The following CNBD1 variants were observed in gnomAD, a reference collection of about 807,000 sequenced individuals.
CNBD1 encodes cyclic nucleotide binding domain containing 1.
In CNBD1, 71 loss-of-function variants were observed where a neutral mutation model predicts 54.4. That is an observed-to-expected ratio of 1.30 (90% CI 1.08 to 1.59). The LOEUF (loss-of-function observed/expected upper bound fraction) is 1.59. Ranked by LOEUF, CNBD1 falls within the 40% of genes most tolerant of loss-of-function variation. CNBD1 has a pLI of 0.00. For missense variants in CNBD1, 659 were observed against 518.0 expected (o/e 1.27, Z -2.64); for synonymous variants, 182 against 170.7 (o/e 1.07, Z -0.51).
intron 4 of CNBD1, among the ~76,000 whole-genome samples, chr8:87,126,476 T>A (rs1178265696): frequency 6.6e-6 from 1 of 152,054 alleles, no homozygotes; most frequent in East Asian, 1.9e-4. Context: ...TCAAATCTTA[T>A]GTCCATTTGT....
chr8:87,211,766 A>G (rs1034592519), intron 5 of CNBD1, among the ~76,000 whole-genome samples: 2 of 152,186 alleles, frequency 1.3e-5, no homozygotes, highest in East Asian at 1.9e-4. Flanking sequence ...CCATGAGCCA[A>G]TTAAACCTCT....
At chr8:86,958,241 A>T (rs4961001) in intron 4 of CNBD1, among the ~76,000 whole-genome samples, 111,701 of 152,030 alleles carry the variant, frequency 0.73, 42,342 homozygotes, top group East Asian at 0.96. Flanking sequence ...GGAGTGCTTT[A>T]CTTCCTACTA....
intron 6 of CNBD1, among the ~76,000 whole-genome samples, chr8:87,251,876 G>A (rs13259732): frequency 0.68 from 103,626 of 151,890 alleles, 35,790 homozygotes; most frequent in Middle Eastern, 0.72. Context: ...AAAAATACAT[G>A]TATACTTCTA....
chr8:86,953,412 G>A (rs894846966), intron 4 of CNBD1, among the ~76,000 whole-genome samples: 1 of 152,086 alleles, frequency 6.6e-6, no homozygotes, highest in African/African-American at 2.4e-5. Flanking sequence ...AAGAAATTTG[G>A]TCACCTCTGT....
At chr8:87,283,858 T>C (rs1357849742) in intron 6 of CNBD1, among the ~76,000 whole-genome samples, 1 of 152,126 alleles carries the variant, frequency 6.6e-6, no homozygotes, top group Non-Finnish European at 1.5e-5. Context: ...TTGGGTTTGA[T>C]AGGACTGTGG....
chr8:87,100,772 G>T (rs757089904), intron 4 of CNBD1, among the ~76,000 whole-genome samples: 3 of 152,086 alleles, frequency 2.0e-5, no homozygotes, highest in Non-Finnish European at 2.9e-5. Flanking sequence ...ACCATGCCTG[G>T]CCAGAAAGCC....
intron 2 of CNBD1, among the ~76,000 whole-genome samples, chr8:87,403,365 A>AGACCGAAAATGGAATAT (rs1478081742): frequency 6.6e-6 from 1 of 152,084 alleles, no homozygotes; most frequent in Non-Finnish European, 1.5e-5. Flanking sequence ...TGTCGTAGAT[A>AGACCGAAAATGGAATAT]GACCGAAAAT....
chr8:86,897,113 T>C (rs1236701893), intron 2 of CNBD1, among the ~76,000 whole-genome samples: 3 of 152,208 alleles, frequency 2.0e-5, no homozygotes, highest in Admixed American at 2.0e-4. Context: ...CGTGGGCATG[T>C]GACTTATGCT....
chr8:87,257,457 G>C (rs966716725), intron 6 of CNBD1, among the ~76,000 whole-genome samples: 7 of 150,508 alleles, frequency 4.7e-5, no homozygotes, highest in Admixed American at 2.7e-4. Context: ...TGTACCTGAA[G>C]CTTTGATTGT....
At chr8:87,190,353 T>C (rs1270079377) in intron 4 of CNBD1, among the ~76,000 whole-genome samples, 2 of 152,214 alleles carry the variant, frequency 1.3e-5, no homozygotes, top group Middle Eastern at 3.2e-3. Context: ...CCAGTTGTTC[T>C]GTTCCCAGCT....
At chr8:86,914,587 A>G (rs1266030783) in intron 3 of CNBD1, among the ~76,000 whole-genome samples, 3 of 152,220 alleles carry the variant, frequency 2.0e-5, no homozygotes, top group African/African-American at 7.2e-5. Context: ...AGATTACTCA[A>G]TTAATCAAAA....
At chr8:86,914,106 G>C (rs1009033390) in intron 3 of CNBD1, among the ~76,000 whole-genome samples, 1 of 152,082 alleles carries the variant, frequency 6.6e-6, no homozygotes, top group African/African-American at 2.4e-5. Context: ...GCCCAGATTT[G>C]TTATTGTTCA....
intron 8 of CNBD1, among the ~76,000 whole-genome samples, chr8:87,328,967 A>T (rs1053493875): frequency 6.6e-6 from 1 of 152,100 alleles, no homozygotes. Context: ...GTCATTACCA[A>T]ACCCAAGGCC....
intron 4 of CNBD1, among the ~76,000 whole-genome samples, chr8:87,073,357 G>A (rs1388721241): frequency 1.3e-5 from 2 of 152,024 alleles, no homozygotes; most frequent in South Asian, 2.1e-4. Flanking sequence ...GAGAGGTATT[G>A]TAGTCATCTG....
chr8:87,283,282 T>G (rs1197687319), intron 6 of CNBD1, among the ~76,000 whole-genome samples: 1 of 152,114 alleles, frequency 6.6e-6, no homozygotes, highest in African/African-American at 2.4e-5. Context: ...GTTCTGATTT[T>G]TATAGTCTAC....
At chr8:87,239,954 A>G (rs1378469954) in intron 6 of CNBD1, among the ~76,000 whole-genome samples, 1 of 152,018 alleles carries the variant, frequency 6.6e-6, no homozygotes, top group African/African-American at 2.4e-5. Context: ...TAGCTTTAAA[A>G]TCTTTCATTA....
intron 4 of CNBD1, among the ~76,000 whole-genome samples, chr8:87,087,507 A>G (rs1586247220): frequency 7.5e-6 from 1 of 132,932 alleles, no homozygotes; most frequent in South Asian, 2.3e-4. Flanking sequence ...TCTGTCGCCC[A>G]GGCTGGAGTG....
intron 4 of CNBD1, among the ~76,000 whole-genome samples, chr8:87,037,340 C>T (rs1056502075): frequency 4.6e-5 from 7 of 151,868 alleles, no homozygotes; most frequent in Non-Finnish European, 5.9e-5. Context: ...ATTCATTTTC[C>T]TGAACATTTG....
At chr8:87,240,065 AAC>A (rs10608912) in intron 6 of CNBD1, among the ~76,000 whole-genome samples, 9,778 of 146,336 alleles carry the variant, frequency 0.067, 424 homozygotes, top group African/African-American at 0.12. Flanking sequence ...TCTGTGCCAA[AAC>A]ACACACACAC....
Sources: allele counts gnomAD v4.1 joint callset (sites outside exome capture counted in the v4.1 genomes callset), GRCh38; gene constraint gnomAD v4.1.1; transcripts MANE v1.5; gene names NCBI Gene and HGNC (gene_info 2026-07-23, HGNC 2026-07-21).